Variants in CNTNAP2 observed in about 807,000 individuals in gnomAD.
The protein encoded by CNTNAP2 is contactin-associated protein-like 2.
A neutral mutation model predicts 155.2 loss-of-function variants in CNTNAP2; 98 were observed. The ratio of observed to expected loss-of-function variants is 0.63; its 90% CI spans 0.54 to 0.75. The LOEUF (loss-of-function observed/expected upper bound fraction) is 0.75, where lower values mean the gene tolerates loss of function less well. Among genes scored for constraint, CNTNAP2 ranks in the 30% least tolerant of loss-of-function variants. The pLI, the probability that CNTNAP2 is intolerant of heterozygous loss-of-function variation, is 0.00. For synonymous variants in CNTNAP2, 651 were observed against 631.2 expected (o/e 1.03, Z -0.47); for missense variants, 1,727 against 1,688.1 (o/e 1.02, Z -0.40).
chr7:147,947,395 A>T (rs1006041825), intron 14 of CNTNAP2, among the ~76,000 whole-genome samples: 1 of 137,536 alleles, frequency 7.3e-6, no homozygotes, highest in African/African-American at 2.7e-5. Context: ...AGGCGGGAGG[A>T]TTGCTTGAGC....
At chr7:147,584,160 T>C (rs1012972550) in intron 12 of CNTNAP2, among the ~76,000 whole-genome samples, 5 of 152,192 alleles carry the variant, frequency 3.3e-5, no homozygotes, top group African/African-American at 1.2e-4. Flanking sequence ...ACTTATGTTT[T>C]CCTTTTCAAG....
At chr7:148,371,451 T>C (rs1288390221) in intron 21 of CNTNAP2, among the ~76,000 whole-genome samples, 2 of 152,226 alleles carry the variant, frequency 1.3e-5, no homozygotes, top group East Asian at 1.9e-4. Context: ...TAATGTCCTC[T>C]TGAGTGGAGC....
intron 1 of CNTNAP2, among the ~76,000 whole-genome samples, chr7:146,151,714 GTA>G (rs548721179): frequency 1.4e-3 from 98 of 72,412 alleles, no homozygotes; most frequent in Middle Eastern, 0.017. Flanking sequence ...ATATATATAT[GTA>G]TATATATATA....
At chr7:147,077,337 G>A (rs1208883186) in intron 4 of CNTNAP2, among the ~76,000 whole-genome samples, 1 of 152,088 alleles carries the variant, frequency 6.6e-6, no homozygotes, top group African/African-American at 2.4e-5. Flanking sequence ...TGGAGAAAGT[G>A]AATGCAATTA....
At chr7:147,086,840 T>C (rs565560860) in intron 4 of CNTNAP2, among the ~76,000 whole-genome samples, 3 of 152,352 alleles carry the variant, frequency 2.0e-5, no homozygotes, top group Admixed American at 1.3e-4. Context: ...AAATCTTTAG[T>C]ATGGTATAAT....
At chr7:146,377,079 G>T (rs1318739406) in intron 1 of CNTNAP2, among the ~76,000 whole-genome samples, 1 of 152,014 alleles carries the variant, frequency 6.6e-6, no homozygotes, top group East Asian at 1.9e-4. Flanking sequence ...AGCACAAATG[G>T]TCTCATACAC....
chr7:146,565,596 G>C (rs566280418), intron 1 of CNTNAP2, among the ~76,000 whole-genome samples: 1 of 152,202 alleles, frequency 6.6e-6, no homozygotes, highest in African/African-American at 2.4e-5. Context: ...TGGAAAGCTA[G>C]TGAATAAGAC....
At chr7:146,933,679 A>C (rs1239596857) in intron 3 of CNTNAP2, among the ~76,000 whole-genome samples, 1 of 149,982 alleles carries the variant, frequency 6.7e-6, no homozygotes, top group African/African-American at 2.5e-5. Context: ...AAATTTTCGC[A>C]ACCTACTCAT....
chr7:148,353,127 CA>C (rs1798456521), intron 21 of CNTNAP2, among the ~76,000 whole-genome samples: 1 of 152,226 alleles, frequency 6.6e-6, no homozygotes, highest in Non-Finnish European at 1.5e-5. Context: ...CAGCCTGCTC[CA>C]AGGTCAACAG....
At chr7:147,347,072 A>T (rs1795875844) in intron 9 of CNTNAP2, among the ~76,000 whole-genome samples, 1 of 152,136 alleles carries the variant, frequency 6.6e-6, no homozygotes, top group Non-Finnish European at 1.5e-5. Context: ...GAAGAGATAT[A>T]ATTACAGAGG....
chr7:148,112,794 CT>C (rs1207504823), intron 15 of CNTNAP2, among the ~76,000 whole-genome samples: 1 of 151,422 alleles, frequency 6.6e-6, no homozygotes, highest in Non-Finnish European at 1.5e-5. Context: ...AAATTCTCAT[CT>C]TATATTCAGG....
intron 21 of CNTNAP2, 30 bp from the exon 22 acceptor site, chr7:148,383,619 G>T: frequency 6.2e-7 from 1 of 1,614,184 alleles, no homozygotes; most frequent in South Asian, 1.1e-5. Flanking sequence ...GGTGAGTCAA[G>T]TAACATTTTC....
At chr7:146,301,070 C>G (rs1277614905) in intron 1 of CNTNAP2, among the ~76,000 whole-genome samples, 1 of 152,066 alleles carries the variant, frequency 6.6e-6, no homozygotes, top group East Asian at 1.9e-4. Context: ...AGAGACCATA[C>G]TTCAGTGGAG....
At chr7:147,809,118 C>T (rs376574125) in intron 13 of CNTNAP2, among the ~76,000 whole-genome samples, 2 of 152,158 alleles carry the variant, frequency 1.3e-5, no homozygotes, top group South Asian at 4.1e-4. Flanking sequence ...ACTGGCAGCA[C>T]GAGCAGGCAG....
At chr7:148,249,231 CT>C (rs1796325559) in intron 20 of CNTNAP2, among the ~76,000 whole-genome samples, 1 of 152,196 alleles carries the variant, frequency 6.6e-6, no homozygotes, top group South Asian at 2.1e-4. Flanking sequence ...TATCAATGAC[CT>C]TCTCACCACC....
At chr7:147,708,123 A>C (rs933984475) in intron 13 of CNTNAP2, among the ~76,000 whole-genome samples, 1 of 152,084 alleles carries the variant, frequency 6.6e-6, no homozygotes, top group Non-Finnish European at 1.5e-5. Flanking sequence ...AGCAGCTGCA[A>C]CCCTGCTACT....
intron 1 of CNTNAP2, among the ~76,000 whole-genome samples, chr7:146,560,761 T>C (rs1798268523): frequency 6.6e-6 from 1 of 152,182 alleles, no homozygotes; most frequent in Admixed American, 6.5e-5. Context: ...CAAGAAAATG[T>C]CAGCCACTTC....
chr7:146,661,689 G>C (rs1800091026), intron 1 of CNTNAP2, among the ~76,000 whole-genome samples: 1 of 151,316 alleles, frequency 6.6e-6, no homozygotes, highest in Non-Finnish European at 1.5e-5. Context: ...CTCACTAGGG[G>C]ATGAACATTG....
intron 3 of CNTNAP2, among the ~76,000 whole-genome samples, chr7:147,022,451 T>C (rs765876711): frequency 1.3e-5 from 2 of 152,120 alleles, no homozygotes; most frequent in Non-Finnish European, 2.9e-5. Context: ...GCAGAAGTGT[T>C]CAGGGTTATC....
Sources: allele counts gnomAD v4.1 joint callset (sites outside exome capture counted in the v4.1 genomes callset), GRCh38; gene constraint gnomAD v4.1.1; transcripts MANE v1.5; gene names NCBI Gene and HGNC (gene_info 2026-07-23, HGNC 2026-07-21).